CKMT2: variants seen among roughly 807,000 people sequenced by gnomAD.
CKMT2 encodes the protein creatine kinase, mitochondrial 2, also known as creatine kinase S-type, mitochondrial.
Under a neutral mutation model 48.9 loss-of-function variants are expected in CKMT2, and 43 were observed. That is an observed-to-expected ratio of 0.88 (90% confidence interval 0.69 to 1.13). The LOEUF is 1.13. Ranked by LOEUF, CKMT2 falls within the 50% of genes most tolerant of loss-of-function variation. The pLI is 0.00. For missense variants in CKMT2, 472 were observed against 555.4 expected, an observed-to-expected ratio of 0.85 and a Z score of 1.51; for synonymous variants, 206 against 213.0, an observed-to-expected ratio of 0.97 and a Z score of 0.29.
At chr5:81,240,120 T>C (rs892442364) in intron 1 of CKMT2, among the ~76,000 whole-genome samples, 2 of 151,892 alleles carry the variant, frequency 1.3e-5, no homozygotes, top group East Asian at 1.9e-4. Flanking sequence ...CCACTTGCCC[T>C]TGACTCACAT....
At chr5:81,251,033 G>A (rs959546930) in intron 1 of CKMT2, 80 bp from the exon 2 acceptor site, 4 of 1,062,804 alleles carry the variant, frequency 3.8e-6, no homozygotes, top group African/African-American at 3.2e-5. Flanking sequence ...GGCTCCTGCA[G>A]TTCTCTTGCC....
At chr5:81,263,287 AC>A (rs1375523732) in intron 8 of CKMT2, among the ~76,000 whole-genome samples, 1 of 151,406 alleles carries the variant, frequency 6.6e-6, no homozygotes, top group African/African-American at 2.4e-5. Flanking sequence ...ACAAACCTGC[AC>A]GTTCTGCACA....
chr5:81,242,353 CT>C, intron 1 of CKMT2: 1 of 432,730 alleles, frequency 2.3e-6, no homozygotes. Flanking sequence ...TTGAAGTACT[CT>C]TTGATGACAT....
At chr5:81,234,032 A>AC (rs1756181526) in intron 1 of CKMT2, among the ~76,000 whole-genome samples, 2 of 151,188 alleles carry the variant, frequency 1.3e-5, no homozygotes, top group South Asian at 2.1e-4. Context: ...AAAAAAAAAA[A>AC]AAAAAAAAAA....
chr5:81,263,424 A>C (rs1327716191), intron 8 of CKMT2, 67 bp from the exon 9 acceptor site: 3 of 1,255,642 alleles, frequency 2.4e-6, no homozygotes, highest in Non-Finnish European at 3.2e-6. Context: ...TTTTGTCAGT[A>C]AACGCACCAA....
intron 1 of CKMT2, among the ~76,000 whole-genome samples, chr5:81,237,329 C>A (rs537883562): frequency 2.0e-5 from 3 of 152,110 alleles, no homozygotes; most frequent in Non-Finnish European, 4.4e-5. Context: ...CTACTGCAGC[C>A]TGTCCCGTCG....
At chr5:81,260,898 C>G (rs921422753) in intron 8 of CKMT2, among the ~76,000 whole-genome samples, 1 of 152,158 alleles carries the variant, frequency 6.6e-6, no homozygotes, top group Non-Finnish European at 1.5e-5. Flanking sequence ...CAAAACCTGG[C>G]AGAGACACAA....
chr5:81,241,434 G>C (rs1407790043), intron 1 of CKMT2, among the ~76,000 whole-genome samples: 3 of 152,112 alleles, frequency 2.0e-5, no homozygotes, highest in Non-Finnish European at 2.9e-5. Context: ...CTCTTTTCCT[G>C]CAAGGGCCTG....
rs533807288 is a variant in CKMT2, at chr5:81,237,373, G to T, written c.-21+3996G>T. On this transcript the variant is annotated intron_variant, in intron 1 of 9. Coordinates refer to ENST00000254035, the MANE Select transcript of CKMT2 (RefSeq NM_001099735.2). ...ACACCTCACAGGGAGACCTCATCAT[G>T]CCCATGATGGGGAGGAGCTGCTGAG... Among the ~76,000 whole-genome samples, 10 of 152,168 alleles carry T rather than the reference G, an allele frequency of 6.6e-5. No individual in the cohort carries two copies. The South Asian group carries it at 1.2e-3, about 19-fold the overall frequency.
Position 81,251,171 on chromosome 5 carries a change from T to C in CKMT2, c.39T>C (p.Asn13=), listed in dbSNP as rs1756799447. Reference sequence around the variant, plus strand: ...TTTCTAAGTTGCTAACTGGCCGCAATGCTTCTCTGCTGTTTGCTACCATGG... The same window carrying C: ...TTTCTAAGTTGCTAACTGGCCGCAACGCTTCTCTGCTGTTTGCTACCATGG... ...SIFSKLLTGR[N]ASLLFATMGT... Residue 13 remains asparagine (N), a synonymous_variant, in exon 2 of 10, where the codon AAT becomes AAC. Transcript: ENST00000254035. The C allele has an allele frequency of 6.2e-7, 1 of 1,614,000 alleles. No homozygotes were observed. Among genetic ancestry groups the C allele is most frequent in the South Asian group, 1.1e-5 (1 of 91,084 alleles).
At chr5:81,249,224 A>T (rs539867401) in intron 1 of CKMT2, among the ~76,000 whole-genome samples, 39 of 151,996 alleles carry the variant, frequency 2.6e-4, no homozygotes, top group African/African-American at 9.2e-4. Flanking sequence ...CAGCTAATTA[A>T]TTTTTTGTAA....
intron 2 of CKMT2, chr5:81,252,348 G>T (rs765081242): frequency 7.4e-6 from 2 of 270,910 alleles, no homozygotes; most frequent in Non-Finnish European, 1.4e-5. Flanking sequence ...GACATGACTT[G>T]TGTTTGAGGC....
At chr5:81,245,560 CTG>C (rs1756580584) in intron 1 of CKMT2, among the ~76,000 whole-genome samples, 1 of 152,148 alleles carries the variant, frequency 6.6e-6, no homozygotes, top group African/African-American at 2.4e-5. Flanking sequence ...CTGAGGTCGT[CTG>C]TGAGTTGAAG....
At position 81,256,922 on chromosome 5, in the gene CKMT2, TTC is replaced by T. The variant is rs1377331032; in HGVS notation, c.679_680del (p.Leu227ValfsTer2). On this transcript the variant is annotated frameshift_variant, in exon 6 of 10. Transcript: ENST00000254035. LOFTEE classifies it high-confidence loss of function. Reference sequence around the variant, plus strand: ...ATCCCTTTTGGCCTACAGGACCACTTTCTGTTTGATAAGCCAGTGTCCCCTTT... The same window carrying T: ...ATCCCTTTTGGCCTACAGGACCACTTTGTTTGATAAGCCAGTGTCCCCTTT... 6.2e-7 allele frequency: 1 copy of T among 1,613,442 alleles called. No individual in the cohort carries two copies. The highest frequency in any genetic ancestry group is 8.5e-7 in the Non-Finnish European group (1 of 1,179,524).
Position 81,263,510 on chromosome 5 carries a change from T to C in CKMT2, c.1034T>C (p.Ile345Thr). Residue 345 changes from isoleucine to threonine, a missense_variant, in exon 9 of 10, where the codon ATC becomes ACC. Ile to Thr is a moderately conservative substitution (Grantham distance 89, BLOSUM62 -1). Coordinates refer to ENST00000254035, the MANE Select transcript of CKMT2 (RefSeq NM_001099735.2). ...TCCTAGGACCCACGCTTTTCTAAGA[T>C]CCTGGAAAACCTAAGACTCCAGAAG... ...KLSKDPRFSK[I>T]LENLRLQKRG... The C allele has an allele frequency of 1.9e-6, 3 of 1,612,954 alleles. No individual in the cohort carries two copies. The highest frequency in any genetic ancestry group is 2.5e-6 in the Non-Finnish European group (3 of 1,179,310).
Position 81,252,849 on chromosome 5 carries a change from A to G in CKMT2, c.307A>G (p.Ile103Val). 2 of 1,614,216 alleles carry G rather than the reference A, an allele frequency of 1.2e-6. No individual in the cohort carries two copies. Among genetic ancestry groups the G allele is most frequent in the Non-Finnish European group, 1.7e-6 (2 of 1,180,042 alleles). The part of the protein sequence containing the change: ...TGVDNPGHPF[I>V]KTVGMVAGDE... Reference sequence around the variant, plus strand: ...AGTGGACAACCCTGGCCACCCCTTCATAAAGACTGTGGGCATGGTGGCTGG... The same window carrying G: ...AGTGGACAACCCTGGCCACCCCTTCGTAAAGACTGTGGGCATGGTGGCTGG... The change falls in exon 3 of 10, where the codon ATA becomes GTA. Residue 103 changes from isoleucine to valine, a missense_variant. Transcript: ENST00000254035.
At chr5:81,246,907 G>A (rs1157739522) in intron 1 of CKMT2, 2 of 152,246 alleles carry the variant, frequency 1.3e-5, no homozygotes, top group Non-Finnish European at 2.9e-5. Flanking sequence ...TATTGGAAGT[G>A]TGGTCCTCTC....
At chr5:81,244,727 T>G (rs1358278964) in intron 1 of CKMT2, 1 of 152,186 alleles carries the variant, frequency 6.6e-6, no homozygotes, top group East Asian at 1.9e-4. Flanking sequence ...ACCCACTGGC[T>G]CCATCGAGGC....
Position 81,266,123 on chromosome 5 carries a change from T to A in CKMT2, c.1141-16T>A. 1 of 1,610,402 alleles carries A rather than the reference T, an allele frequency of 6.2e-7. No individual in the cohort carries two copies. Among genetic ancestry groups the A allele is most frequent in the Non-Finnish European group, 8.5e-7 (1 of 1,177,150 alleles). On this transcript the variant is annotated splice_polypyrimidine_tract_variant and intron_variant, in intron 9 of 9. Coordinates refer to ENST00000254035, the MANE Select transcript of CKMT2 (RefSeq NM_001099735.2). ...CTTCTATTCAAATTAATCATTCATC[T>A]TCTTCACTGTCAAAGGTTGAGCTTG...
Sources: allele counts gnomAD v4.1 joint callset (sites outside exome capture counted in the v4.1 genomes callset), GRCh38; gene constraint gnomAD v4.1.1; transcripts MANE v1.5; gene names NCBI Gene and HGNC (gene_info 2026-07-23, HGNC 2026-07-21).